Variants in MBOAT2 observed in about 807,000 individuals in gnomAD.
The protein encoded by MBOAT2 is membrane bound glycerophospholipid O-acyltransferase 2.
In MBOAT2, 28 loss-of-function variants were observed where a neutral mutation model predicts 63.4. The ratio of observed to expected loss-of-function variants is 0.44; its 90% CI spans 0.33 to 0.61. The LOEUF is 0.61. MBOAT2 is among the 20% of genes least tolerant of loss of function. The pLI is 0.03. For missense variants in MBOAT2, 470 were observed against 605.8 expected, an observed-to-expected ratio of 0.78 and a Z score of 2.35; for synonymous variants, 211 against 215.6, an observed-to-expected ratio of 0.98 and a Z score of 0.19.
At chr2:8,978,735 C>T (rs552630437) in intron 1 of MBOAT2, among the ~76,000 whole-genome samples, 18 of 152,100 alleles carry the variant, frequency 1.2e-4, no homozygotes, top group South Asian at 2.1e-4. Flanking sequence ...ACCTAAATGA[C>T]GGGTTGACAG....
intron 1 of MBOAT2, among the ~76,000 whole-genome samples, chr2:8,999,701 T>C (rs1672554009): frequency 6.6e-6 from 1 of 152,196 alleles, no homozygotes; most frequent in South Asian, 2.1e-4. Context: ...CCACTCTCCA[T>C]ACATTCCTTT....
rs557263087 is a variant in MBOAT2, at chr2:8,938,808, GC to G, written c.299+4378del. On this transcript the variant is annotated intron_variant, in intron 3 of 12. Coordinates refer to ENST00000305997, the MANE Select transcript of MBOAT2 (RefSeq NM_138799.4). Reference sequence around the variant, plus strand: ...ATGCTGCCATGTTTCATGCCTCCACGCCTCTGCCTGTGCTGTCCACCCTGCA... The same window carrying G: ...ATGCTGCCATGTTTCATGCCTCCACGCTCTGCCTGTGCTGTCCACCCTGCA... Among the ~76,000 whole-genome samples, 27 of 152,212 alleles carry G rather than the reference GC, an allele frequency of 1.8e-4. No homozygotes were observed. The South Asian group carries it at 5.6e-3, about 32-fold the overall frequency.
chr2:8,982,646 T>G (rs1671279545), intron 1 of MBOAT2, among the ~76,000 whole-genome samples: 1 of 152,152 alleles, frequency 6.6e-6, no homozygotes, highest in Admixed American at 6.5e-5. Flanking sequence ...ATCACTAACT[T>G]AGCTCAGATG....
chr2:8,910,170 C>T (rs1021749901), intron 3 of MBOAT2, among the ~76,000 whole-genome samples: 1 of 151,858 alleles, frequency 6.6e-6, no homozygotes, highest in Non-Finnish European at 1.5e-5. Flanking sequence ...CAGAGAAAGA[C>T]AGAGAGAGAG....
In MBOAT2 at chr2:8,854,260, G is replaced by A. The variant is rs931180016; in HGVS notation, c.*4419C>T. 1.3e-5 allele frequency: 2 copies of A among 152,130 alleles called. No homozygotes were observed. Among genetic ancestry groups the A allele is most frequent in the Non-Finnish European group, 2.9e-5 (2 of 68,022 alleles). The allele number at this position is 152,130 out of a possible 1,614,324, so 9.4% of individuals were successfully genotyped here. A position where few individuals can be genotyped will look rare whatever the true frequency, so the allele number is the denominator to read the frequency against. On this transcript the variant is annotated 3_prime_UTR_variant, in exon 13 of 13. Transcript: ENST00000305997. Reference sequence around the variant, plus strand: ...TTTTGCTTCAGCATTGGGAGCACGCGTTCATCAAGAAACCCACTTTTACAA... The same window carrying A: ...TTTTGCTTCAGCATTGGGAGCACGCATTCATCAAGAAACCCACTTTTACAA...
intron 3 of MBOAT2, among the ~76,000 whole-genome samples, chr2:8,912,414 AGACAGGCC>A (rs149352584): frequency 2.2e-5 from 3 of 137,620 alleles, no homozygotes; most frequent in Admixed American, 7.0e-5. Flanking sequence ...AAAGAAAGAA[AGACAGGCC>A]GGCCGGCCTT....
intron 4 of MBOAT2, among the ~76,000 whole-genome samples, chr2:8,897,214 CCTCT>C (rs1180646493): frequency 7.0e-6 from 1 of 142,882 alleles, no homozygotes; most frequent in Non-Finnish European, 1.5e-5. Context: ...TTTGTCTCTT[CCTCT>C]CTGTCTCCTT....
chr2:8,868,409 A>G, intron 9 of MBOAT2, 37 bp downstream of exon 9: 2 of 1,553,434 alleles, frequency 1.3e-6, no homozygotes, highest in Non-Finnish European at 1.8e-6. Context: ...ATGGTACTTA[A>G]AGTATATAGT....
intron 4 of MBOAT2, among the ~76,000 whole-genome samples, chr2:8,895,545 G>C (rs779536787): frequency 1.3e-5 from 2 of 151,442 alleles, no homozygotes; most frequent in African/African-American, 2.4e-5. Flanking sequence ...ACAAAGTGCT[G>C]ATTGGTGCAT....
At chr2:8,966,314 T>C (rs983854690) in intron 1 of MBOAT2, among the ~76,000 whole-genome samples, 3 of 152,204 alleles carry the variant, frequency 2.0e-5, no homozygotes, top group South Asian at 2.1e-4. Context: ...GTGTCTTGAC[T>C]GCCAAATACT....
intron 3 of MBOAT2, among the ~76,000 whole-genome samples, chr2:8,915,908 C>T (rs77758970): frequency 1.2e-3 from 187 of 152,326 alleles, no homozygotes; most frequent in African/African-American, 4.0e-3. Context: ...GGTGGACGTA[C>T]TATTCCAGGG....
chr2:8,947,230 A>T (rs1398782749), intron 2 of MBOAT2, among the ~76,000 whole-genome samples: 1 of 152,220 alleles, frequency 6.6e-6, no homozygotes, highest in East Asian at 1.9e-4. Context: ...ACTCTCTTCA[A>T]TTCTAGTAGG....
intron 4 of MBOAT2, among the ~76,000 whole-genome samples, chr2:8,907,043 C>T (rs1340256034): frequency 1.3e-5 from 2 of 152,102 alleles, no homozygotes; most frequent in African/African-American, 2.4e-5. Context: ...TTTACAGTAT[C>T]GTTAACCTTA....
chr2:8,973,118 C>T (rs940796729), intron 1 of MBOAT2, among the ~76,000 whole-genome samples: 2 of 152,090 alleles, frequency 1.3e-5, no homozygotes, highest in African/African-American at 4.8e-5. Flanking sequence ...TGGAACCAAC[C>T]TAAATATCCA....
intron 3 of MBOAT2, among the ~76,000 whole-genome samples, chr2:8,917,261 TC>T (rs747577740): frequency 1.3e-5 from 2 of 152,064 alleles, no homozygotes; most frequent in Non-Finnish European, 2.9e-5. Context: ...TAAATTCACT[TC>T]ATCAAAATTT....
At chr2:8,868,739 A>G (rs1045833180) in intron 8 of MBOAT2, among the ~76,000 whole-genome samples, 190 bp from the exon 9 acceptor site, 32 of 152,196 alleles carry the variant, frequency 2.1e-4, no homozygotes, top group African/African-American at 7.5e-4. Flanking sequence ...TTAGTCAGTA[A>G]TACATGAGAC....
chr2:9,001,033 A>G (rs1207573766), intron 1 of MBOAT2, among the ~76,000 whole-genome samples: 1 of 152,084 alleles, frequency 6.6e-6, no homozygotes, highest in East Asian at 1.9e-4. Context: ...CTAGGCCCAC[A>G]CAGGGTCAGG....
chr2:8,952,462 C>G (rs1332714905), intron 2 of MBOAT2, among the ~76,000 whole-genome samples: 1 of 152,084 alleles, frequency 6.6e-6, no homozygotes, highest in East Asian at 1.9e-4. Context: ...ACTATAAGTA[C>G]AGAATTAATT....
chr2:8,982,738 T>A (rs1006457293), intron 1 of MBOAT2, among the ~76,000 whole-genome samples: 7 of 152,166 alleles, frequency 4.6e-5, no homozygotes, highest in Admixed American at 3.9e-4. Context: ...GTGAGACACC[T>A]ACTATATGCC....
Sources: allele counts gnomAD v4.1 joint callset (sites outside exome capture counted in the v4.1 genomes callset), GRCh38; gene constraint gnomAD v4.1.1; transcripts MANE v1.5; gene names NCBI Gene and HGNC (gene_info 2026-07-23, HGNC 2026-07-21).